VCAN: variants seen among roughly 807,000 people sequenced by gnomAD.
VCAN encodes versican, also known as versican core protein.
A neutral mutation model predicts 245.5 loss-of-function variants in VCAN; 44 were observed. That is an observed-to-expected ratio of 0.18 (90% CI 0.14 to 0.23). The LOEUF (loss-of-function observed/expected upper bound fraction) is 0.23. VCAN is among the 10% of genes least tolerant of loss of function. VCAN has a pLI of 1.00. For missense variants in VCAN, 3,793 were observed against 4,057.9 expected (o/e 0.93, Z 1.77); for synonymous variants, 1,413 against 1,437.0 (o/e 0.98, Z 0.38).
At chr5:83,551,203 G>A (rs1175269403) in intron 10 of VCAN, among the ~76,000 whole-genome samples, 1 of 151,912 alleles carries the variant, frequency 6.6e-6, no homozygotes, top group Admixed American at 6.6e-5. Context: ...AATACTTAAT[G>A]ATAAACTATT....
chr5:83,483,984 A>G (rs1429474703), intron 2 of VCAN, among the ~76,000 whole-genome samples: 1 of 152,212 alleles, frequency 6.6e-6, no homozygotes, highest in Non-Finnish European at 1.5e-5. Context: ...GAGAAAGCTG[A>G]CAGCCATGTT....
intron 3 of VCAN, 65 bp downstream of exon 3, chr5:83,490,537 A>G: frequency 3.1e-6 from 5 of 1,602,782 alleles, no homozygotes; most frequent in South Asian, 1.1e-5. Flanking sequence ...GCATTGAGAA[A>G]TAGCACTCAG....
In VCAN at chr5:83,540,819, CATGACAGTAATG is replaced by C. The variant is rs1746944700; in HGVS notation, c.7821_7832del (p.Asp2607_Asp2610del). 2.5e-6 allele frequency: 4 copies of C among 1,614,006 alleles called. No individual in the cohort carries two copies. The highest frequency in any genetic ancestry group is 3.4e-6 in the Non-Finnish European group (4 of 1,179,968). Reference sequence around the variant, plus strand: ...AGATACAGAGGTACCATCAGAACCACATGACAGTAATGATGAAAGTAATGATGACAGCACTCA... The same window carrying C: ...AGATACAGAGGTACCATCAGAACCACATGAAAGTAATGATGACAGCACTCA... On this transcript the variant is annotated inframe_deletion, in exon 8 of 15. Transcript: ENST00000265077.
chr5:83,547,892 T>TGTC, intron 9 of VCAN, 79 bp from the exon 10 acceptor site: 1 of 999,390 alleles, frequency 1.0e-6, no homozygotes, highest in Non-Finnish European at 1.6e-6. Flanking sequence ...TCTTGTATGT[T>TGTC]ATCTTGCAAC....
At position 83,537,470 on chromosome 5, in the gene VCAN, A is replaced by G. The variant is rs1161692696; in HGVS notation, c.4467A>G (p.Thr1489=). 4 of 1,613,900 alleles carry G rather than the reference A, an allele frequency of 2.5e-6. No individual in the cohort carries two copies. The African/African-American group carries it at 5.3e-5, about 22-fold the overall frequency. The change falls in exon 8 of 15, where the codon ACA becomes ACG. Residue 1489 remains threonine (T), a synonymous_variant. Coordinates refer to ENST00000265077, the MANE Select transcript of VCAN (RefSeq NM_004385.5). Reference sequence around the variant, plus strand: ...GGAAGCCTGAGACTTACCCTGAAACATCAGAACATTTTTCAGGTGGTGAGC... The same window carrying G: ...GGAAGCCTGAGACTTACCCTGAAACGTCAGAACATTTTTCAGGTGGTGAGC... ...VTWKPETYPE[T]SEHFSGGEPD...
rs989203210 is a variant in VCAN, at chr5:83,537,246, C to T, written c.4243C>T (p.His1415Tyr). The change falls in exon 8 of 15, where the codon CAT becomes TAT. Residue 1415 changes from histidine (H) to tyrosine (Y), a missense_variant. Physicochemically the swap from His to Tyr is moderately conservative, Grantham distance 83 (BLOSUM62 2). Coordinates refer to ENST00000265077, the MANE Select transcript of VCAN (RefSeq NM_004385.5). ...TPSVQYINGK[H>Y]LVTTVPKDPE... Reference sequence around the variant, plus strand: ...ATCTGTGCAGTACATAAATGGGAAGCATCTCGTTACCACTGTGCCCAAGGA... The same window carrying T: ...ATCTGTGCAGTACATAAATGGGAAGTATCTCGTTACCACTGTGCCCAAGGA... The T allele has an allele frequency of 6.2e-7, 1 of 1,613,792 alleles. No homozygotes were observed. Among genetic ancestry groups the T allele is most frequent in the Non-Finnish European group, 8.5e-7 (1 of 1,179,956 alleles).
rs2112352958 is a variant in VCAN, at chr5:83,490,102, A to G, written c.75A>G (p.Lys25=). The change falls in exon 3 of 15, where the codon AAA becomes AAG. Residue 25 remains lysine, a synonymous_variant. Coordinates refer to ENST00000265077, the MANE Select transcript of VCAN (RefSeq NM_004385.5). ...GTTATTTTCTCTTTCCTCTAGTCAA[A>G]GTGGGAAAAAGCCCACCGGTGAGGG... ...LIVTHALHKV[K]VGKSPPVRGS... 1 of 1,613,922 alleles carries G rather than the reference A, an allele frequency of 6.2e-7. No individual in the cohort carries two copies.
Position 83,553,367 on chromosome 5 carries a change from C to T in VCAN, c.9497C>T (p.Thr3166Ile), listed in dbSNP as rs1747544703. Residue 3166 changes from threonine to isoleucine, a missense_variant, in exon 11 of 15, where the codon ACC becomes ATC. Thr to Ile is a moderately conservative substitution (Grantham distance 89). Coordinates refer to ENST00000265077, the MANE Select transcript of VCAN (RefSeq NM_004385.5). ...SYVGALCEQD[T>I]ETCDYGWHKF... Reference sequence around the variant, plus strand: ...GCTCCTGCCTGTTTCTTCTCAGATACCGAGACATGTGACTATGGCTGGCAC... The same window carrying T: ...GCTCCTGCCTGTTTCTTCTCAGATATCGAGACATGTGACTATGGCTGGCAC... The T allele has an allele frequency of 6.2e-7, 1 of 1,614,010 alleles. No individual in the cohort carries two copies. The highest frequency in any genetic ancestry group is 1.3e-5 in the African/African-American group (1 of 75,030).
intron 1 of VCAN, among the ~76,000 whole-genome samples, chr5:83,480,309 G>A (rs1744567352): frequency 6.6e-6 from 1 of 152,160 alleles, no homozygotes; most frequent in Admixed American, 6.5e-5. Flanking sequence ...TAAGGATTGA[G>A]TGTGGCACAA....
chr5:83,580,396 C>A lies in VCAN; in HGVS notation c.10153C>A (p.His3385Asn). 6.2e-7 allele frequency: 1 copy of A among 1,613,872 alleles called. No homozygotes were observed. Among genetic ancestry groups the A allele is most frequent in the Non-Finnish European group, 8.5e-7 (1 of 1,179,926 alleles). The stretch of plus-strand genomic sequence containing the variant: ...TTCAATAAATACATCCAAACATGAT[C>A]ATCGTTGGAGCCGGAGGTGGCAGGA... ...DNSINTSKHD[H>N]RWSRRWQESR... The change falls in exon 15 of 15, where the codon CAT (histidine) becomes AAT (asparagine). Residue 3385 changes from histidine (H) to asparagine (N), a missense_variant. His to Asn is a moderately conservative substitution (Grantham distance 68). This residue lies in a region of VCAN where 37 missense variants were observed against 28.2 expected (regional missense o/e 1.31). Coordinates refer to ENST00000265077, the MANE Select transcript of VCAN (RefSeq NM_004385.5).
In VCAN at chr5:83,538,530, G is replaced by A. The variant is rs140580494; in HGVS notation, c.5527G>A (p.Asp1843Asn). 135 of 1,613,902 alleles carry A rather than the reference G, an allele frequency of 8.4e-5. No individual in the cohort carries two copies. The highest frequency in any genetic ancestry group is 2.8e-4 in the African/African-American group (21 of 74,876). ...MEQGSGEAAA[D>N]PETTTVSSFS... ...GCAGGGCTCTGGAGAAGCTGCTGCC[G>A]ACCCAGAAACCACCACTGTTTCTTC... The change falls in exon 8 of 15, where the codon GAC (aspartate) becomes AAC (asparagine). Residue 1843 changes from aspartate to asparagine, a missense_variant. Asp to Asn is a conservative substitution (Grantham distance 23). Coordinates refer to ENST00000265077, the MANE Select transcript of VCAN (RefSeq NM_004385.5).
intron 5 of VCAN, among the ~76,000 whole-genome samples, chr5:83,495,918 G>C (rs953433593): frequency 1.3e-5 from 2 of 152,138 alleles, no homozygotes; most frequent in Non-Finnish European, 2.9e-5. Flanking sequence ...GACCCCCCGT[G>C]TGTTTGTTTT....
Position 83,537,643 on chromosome 5 carries a change from C to A in VCAN, c.4640C>A (p.Ser1547Tyr), listed in dbSNP as rs779346006. The A allele has an allele frequency of 1.9e-6, 3 of 1,613,826 alleles. No homozygotes were observed. The highest frequency in any genetic ancestry group is 2.5e-6 in the Non-Finnish European group (3 of 1,179,922). ...TEPVSLFPEE[S>Y]SGEIAIDQES... is the part of the protein sequence containing the mutation. ...CCTGTATCTCTGTTTCCTGAAGAGTCTTCAGGAGAGATTGCCATTGACCAA... is the reference window on the plus strand; with the variant it reads ...CCTGTATCTCTGTTTCCTGAAGAGTATTCAGGAGAGATTGCCATTGACCAA... The change falls in exon 8 of 15, where the codon TCT becomes TAT. Residue 1547 changes from serine to tyrosine, a missense_variant. Physicochemically the swap from Ser to Tyr is moderately radical, Grantham distance 144. Around this residue, in one of 5 missense-constraint regions of VCAN, gnomAD observed 3,182 missense variants for 3,250.3 expected, o/e 0.98. Coordinates refer to ENST00000265077, the MANE Select transcript of VCAN (RefSeq NM_004385.5).
chr5:83,571,731 GAA>G (rs1266354350), intron 12 of VCAN, among the ~76,000 whole-genome samples: 2 of 152,114 alleles, frequency 1.3e-5, no homozygotes, highest in Admixed American at 1.3e-4. Context: ...CTACTAAAAA[GAA>G]AACATTTCAT....
chr5:83,553,397 T>C lies in VCAN; in HGVS notation c.9527T>C (p.Phe3176Ser). Residue 3176 changes from phenylalanine to serine, a missense_variant, in exon 11 of 15, where the codon TTC becomes TCC. Phe to Ser is a radical substitution (Grantham distance 155, BLOSUM62 -2). Coordinates refer to ENST00000265077, the MANE Select transcript of VCAN (RefSeq NM_004385.5). ...TETCDYGWHK[F>S]QGQCYKYFAH... The stretch of plus-strand genomic sequence containing the variant: ...ACATGTGACTATGGCTGGCACAAAT[T>C]CCAAGGGCAGTGCTACAAATACTTT... The C allele has an allele frequency of 6.2e-7, 1 of 1,613,988 alleles. No homozygotes were observed. The highest frequency in any genetic ancestry group is 8.5e-7 in the Non-Finnish European group (1 of 1,179,974).
chr5:83,478,861 A>G (rs901792603), intron 1 of VCAN, among the ~76,000 whole-genome samples: 1 of 152,196 alleles, frequency 6.6e-6, no homozygotes, highest in South Asian at 2.1e-4. Context: ...GAGAAAGGCA[A>G]TTCCCAATCA....
chr5:83,521,335 CT>C lies in VCAN; in HGVS notation c.3030del (p.Arg1011AlafsTer11). ...PSQDILVIDQ[T>X]RLEATISPET... is the part of the protein sequence containing the mutation. The stretch of plus-strand genomic sequence containing the variant: ...CAAGACATACTTGTCATTGATCAGA[CT>C]CGCCTTGAAGCGACTATTTCTCCAG... On this transcript the variant is annotated frameshift_variant, in exon 7 of 15. Coordinates refer to ENST00000265077, the MANE Select transcript of VCAN (RefSeq NM_004385.5). LOFTEE classifies it high-confidence loss of function. 1 of 1,614,114 alleles carries C rather than the reference CT, an allele frequency of 6.2e-7. No homozygotes were observed. The highest frequency in any genetic ancestry group is 2.2e-5 in the East Asian group (1 of 44,878).
chr5:83,511,830 A>G (rs950670468), intron 5 of VCAN, among the ~76,000 whole-genome samples: 4 of 152,142 alleles, frequency 2.6e-5, no homozygotes, highest in African/African-American at 4.8e-5. Context: ...GTATTATAAA[A>G]TGTTATTAAA....
intron 5 of VCAN, among the ~76,000 whole-genome samples, chr5:83,506,558 CCTCT>C (rs1044646647): frequency 5.3e-5 from 8 of 152,084 alleles, no homozygotes; most frequent in African/African-American, 1.7e-4. Context: ...ATTCAACAAG[CCTCT>C]AGGAAGTTCC....
Sources: gnomAD v4.1 joint callset for allele counts (sites outside exome capture counted in the v4.1 genomes callset) on GRCh38, gnomAD v4.1.1 for gene constraint, gnomAD v4.1.1 regional missense constraint, MANE v1.5 for transcripts, NCBI Gene and HGNC (gene_info 2026-07-23, HGNC 2026-07-21) for gene names.